EEFSEC: variants seen among roughly 807,000 people sequenced by gnomAD.
EEFSEC encodes the protein selenocysteine-specific elongation factor.
A neutral mutation model predicts 42.1 loss-of-function variants in EEFSEC; 43 were observed. The ratio of observed to expected loss-of-function variants is 1.02; its 90% CI spans 0.80 to 1.32. The LOEUF is 1.32. EEFSEC is among the 40% of genes most tolerant of loss of function. EEFSEC has a pLI of 0.00. For synonymous variants in EEFSEC, 354 were observed against 339.1 expected (o/e 1.04, Z -0.48); for missense variants, 745 against 803.6 (o/e 0.93, Z 0.88).
intron 4 of EEFSEC, 52 bp downstream of exon 4, chr3:128,264,833 G>T (rs1161267317): frequency 2.5e-6 from 4 of 1,575,270 alleles, no homozygotes; most frequent in Non-Finnish European, 2.6e-6. Flanking sequence ...AGCAAGGGAG[G>T]GGGACTGTCC....
chr3:128,370,305 G>A (rs967203142), intron 6 of EEFSEC, among the ~76,000 whole-genome samples: 6 of 152,204 alleles, frequency 3.9e-5, no homozygotes, highest in African/African-American at 1.2e-4. Flanking sequence ...TTGTTAGGAG[G>A]TTCAATGAGG....
At chr3:128,340,819 C>T (rs1472531824) in intron 4 of EEFSEC, among the ~76,000 whole-genome samples, 1 of 152,056 alleles carries the variant, frequency 6.6e-6, no homozygotes, top group Non-Finnish European at 1.5e-5. Context: ...GCTGGGGAGG[C>T]CATTCTTGGG....
intron 3 of EEFSEC, among the ~76,000 whole-genome samples, chr3:128,262,575 A>G (rs1309063799): frequency 6.6e-6 from 1 of 152,166 alleles, no homozygotes; most frequent in East Asian, 1.9e-4. Flanking sequence ...CGTGACATCC[A>G]TTCCAGTCCT....
chr3:128,253,551 G>C (rs150152583), intron 2 of EEFSEC, among the ~76,000 whole-genome samples: 103 of 152,318 alleles, frequency 6.8e-4, no homozygotes, highest in Non-Finnish European at 1.1e-3. Flanking sequence ...AGAAGTCTGA[G>C]TTCTTTTCCT....
chr3:128,363,300 C>T (rs148020351), intron 6 of EEFSEC, among the ~76,000 whole-genome samples: 283 of 152,330 alleles, frequency 1.9e-3, no homozygotes, highest in African/African-American at 5.9e-3. Flanking sequence ...GGGCACTCAG[C>T]GCAAGAAAGC....
intron 4 of EEFSEC, among the ~76,000 whole-genome samples, chr3:128,290,759 GT>G (rs2066635027): frequency 6.6e-6 from 1 of 151,884 alleles, no homozygotes; most frequent in South Asian, 2.1e-4. Context: ...TTGTTTGTTT[GT>G]TTTTTGACAG....
At chr3:128,260,003 G>C (rs1240131578) in intron 2 of EEFSEC, among the ~76,000 whole-genome samples, 2 of 152,108 alleles carry the variant, frequency 1.3e-5, no homozygotes, top group Non-Finnish European at 2.9e-5. Flanking sequence ...ACTTCTTTGA[G>C]TATTTGTTTT....
intron 1 of EEFSEC, among the ~76,000 whole-genome samples, chr3:128,173,681 G>A (rs1011272303): frequency 6.6e-6 from 1 of 152,132 alleles, no homozygotes; most frequent in Non-Finnish European, 1.5e-5. Flanking sequence ...AAATGTTCCT[G>A]CACAGCCTAT....
intron 6 of EEFSEC, among the ~76,000 whole-genome samples, chr3:128,374,679 T>TAA (rs57762360): frequency 1.3e-5 from 2 of 151,938 alleles, no homozygotes; most frequent in African/African-American, 4.8e-5. Flanking sequence ...TAGAAATTGT[T>TAA]AAAAAAAATG....
intron 2 of EEFSEC, among the ~76,000 whole-genome samples, chr3:128,261,915 G>T (rs2107927849): frequency 6.6e-6 from 1 of 152,306 alleles, no homozygotes. Flanking sequence ...GATGTCCAAT[G>T]CAGGGACATT....
chr3:128,258,156 G>A (rs559307119), intron 2 of EEFSEC, among the ~76,000 whole-genome samples: 12 of 152,224 alleles, frequency 7.9e-5, no homozygotes, highest in East Asian at 1.9e-4. Context: ...CCTGAGAGAG[G>A]AGGAGGAAGG....
At chr3:128,246,476 C>T (rs1429264233) in intron 1 of EEFSEC, among the ~76,000 whole-genome samples, 1 of 151,954 alleles carries the variant, frequency 6.6e-6, no homozygotes, top group Non-Finnish European at 1.5e-5. Context: ...TTTTTTCCCC[C>T]TGCTGAGACA....
At chr3:128,324,136 A>G (rs1358052781) in intron 4 of EEFSEC, among the ~76,000 whole-genome samples, 1 of 152,178 alleles carries the variant, frequency 6.6e-6, no homozygotes, top group Non-Finnish European at 1.5e-5. Context: ...GGTGAATGCT[A>G]TCATGTGCCC....
At chr3:128,196,400 C>T (rs1300723197) in intron 1 of EEFSEC, among the ~76,000 whole-genome samples, 5 of 152,178 alleles carry the variant, frequency 3.3e-5, no homozygotes, top group Admixed American at 2.0e-4. Flanking sequence ...GATACAAATA[C>T]AGTGGCCCTT....
chr3:128,332,765 G>A (rs1053249182), intron 4 of EEFSEC, among the ~76,000 whole-genome samples: 1 of 152,204 alleles, frequency 6.6e-6, no homozygotes, highest in African/African-American at 2.4e-5. Flanking sequence ...AGTCTCCAGG[G>A]CCCATACTGC....
intron 2 of EEFSEC, among the ~76,000 whole-genome samples, chr3:128,251,672 G>A (rs2066188513): frequency 6.6e-6 from 1 of 151,922 alleles, no homozygotes; most frequent in African/African-American, 2.4e-5. Flanking sequence ...TTTTGGGAGT[G>A]TTTAATATTA....
chr3:128,385,036 AC>A (rs949531814), intron 6 of EEFSEC, among the ~76,000 whole-genome samples: 2 of 152,108 alleles, frequency 1.3e-5, no homozygotes, highest in African/African-American at 4.8e-5. Context: ...ATTTTACCAA[AC>A]CCCATAGATG....
At chr3:128,370,900 G>A (rs1266759427) in intron 6 of EEFSEC, among the ~76,000 whole-genome samples, 1 of 152,224 alleles carries the variant, frequency 6.6e-6, no homozygotes, top group Admixed American at 6.5e-5. Flanking sequence ...TTGAAGGTGA[G>A]GAGATTTCCC....
intron 6 of EEFSEC, among the ~76,000 whole-genome samples, chr3:128,381,197 G>C (rs1413831028): frequency 6.6e-6 from 1 of 152,188 alleles, no homozygotes; most frequent in Non-Finnish European, 1.5e-5. Context: ...CCATGACTTG[G>C]AGTCAGACAC....
Sources: gnomAD v4.1 joint callset for allele counts (sites outside exome capture counted in the v4.1 genomes callset) on GRCh38, gnomAD v4.1.1 for gene constraint, MANE v1.5 for transcripts, NCBI Gene and HGNC (gene_info 2026-07-23, HGNC 2026-07-21) for gene names.